Variants in STRBP observed in about 807,000 individuals in gnomAD.
STRBP encodes spermatid perinuclear RNA-binding protein.
Under a neutral mutation model 80.1 loss-of-function variants are expected in STRBP, and 13 were observed. The observed-to-expected ratio is 0.16, with a 90% confidence interval of 0.11 to 0.26. The LOEUF is 0.26. Among genes scored for constraint, STRBP ranks in the 10% least tolerant of loss-of-function variants. The pLI is 1.00. For synonymous variants in STRBP, 284 were observed against 291.2 expected (o/e 0.98, Z 0.25); for missense variants, 485 against 815.2 (o/e 0.59, Z 4.93).
At chr9:123,130,915 C>T (rs1432847873) in intron 17 of STRBP, among the ~76,000 whole-genome samples, 4 of 152,102 alleles carry the variant, frequency 2.6e-5, no homozygotes, top group Non-Finnish European at 5.9e-5. Context: ...TCCCTGCCTC[C>T]AGTAGCAATA....
intron 2 of STRBP, among the ~76,000 whole-genome samples, chr9:123,185,788 C>A (rs2038672582): frequency 6.6e-6 from 1 of 152,050 alleles, no homozygotes; most frequent in South Asian, 2.1e-4. Context: ...CACAAGCTTT[C>A]TTTATATTAG....
At chr9:123,251,282 C>T (rs1414135841) in intron 1 of STRBP, among the ~76,000 whole-genome samples, 25 of 152,178 alleles carry the variant, frequency 1.6e-4, no homozygotes, top group Admixed American at 1.4e-3. Flanking sequence ...AGAGAACGGA[C>T]GGCACTTACT....
intron 1 of STRBP, among the ~76,000 whole-genome samples, chr9:123,250,722 C>T (rs982555994): frequency 5.3e-5 from 8 of 152,170 alleles, no homozygotes; most frequent in Admixed American, 4.6e-4. Flanking sequence ...AATCCTCCTC[C>T]AATGAACAAC....
At chr9:123,235,508 G>GAAA (rs200275946) in intron 2 of STRBP, among the ~76,000 whole-genome samples, 1 of 76,990 alleles carries the variant, frequency 1.3e-5, no homozygotes, top group Non-Finnish European at 2.9e-5. Flanking sequence ...GCAACTTCAG[G>GAAA]AAAAAAAAAA....
In STRBP at chr9:123,268,412, GCCCGCCCCGCCGCCGGAGCCTA is replaced by G. The variant is rs1020315558; in HGVS notation, c.-302+2_-302+23del. 3 of 150,998 alleles carry G rather than the reference GCCCGCCCCGCCGCCGGAGCCTA, an allele frequency of 2.0e-5. No individual in the cohort carries two copies. Among genetic ancestry groups the G allele is most frequent in the East Asian group, 3.9e-4 (2 of 5,166 alleles). 9.4% of individuals were successfully genotyped at this position (150,998 alleles called of 1,614,324 possible). A position where few individuals can be genotyped will look rare whatever the true frequency, so the allele number is the denominator to read the frequency against. On this transcript the variant is annotated splice_donor_variant and splice_donor_5th_base_variant and intron_variant, in intron 1 of 18. Transcript: ENST00000348403. LOFTEE classifies it low-confidence loss of function (5UTR_SPLICE). ...GCCCGGGACGGCCCGCCGCGCAGGC[GCCCGCCCCGCCGCCGGAGCCTA>G]CCCGCGCCGCCGCGCTCTGCCCGCG...
chr9:123,265,391 G>A (rs896963421), intron 1 of STRBP, among the ~76,000 whole-genome samples: 11 of 152,034 alleles, frequency 7.2e-5, no homozygotes, highest in African/African-American at 1.7e-4. Flanking sequence ...CTACCAAAGC[G>A]AACCTTTTAT....
At chr9:123,230,614 T>C (rs2040370059) in intron 2 of STRBP, among the ~76,000 whole-genome samples, 1 of 152,160 alleles carries the variant, frequency 6.6e-6, no homozygotes, top group Admixed American at 6.5e-5. Flanking sequence ...CCAGACTACA[T>C]CACCCAATTC....
intron 1 of STRBP, among the ~76,000 whole-genome samples, chr9:123,243,100 T>C (rs984348911): frequency 6.6e-6 from 1 of 151,948 alleles, no homozygotes; most frequent in Non-Finnish European, 1.5e-5. Flanking sequence ...TTGCGTGGTA[T>C]TGGTAGACGG....
At chr9:123,244,081 G>A (rs1423513001) in intron 1 of STRBP, among the ~76,000 whole-genome samples, 2 of 152,168 alleles carry the variant, frequency 1.3e-5, no homozygotes, top group Non-Finnish European at 2.9e-5. Context: ...TGAATACTGT[G>A]GTTCATCCAC....
chr9:123,148,299 GATACATAGC>G (rs1490042230), intron 11 of STRBP, among the ~76,000 whole-genome samples: 1 of 152,102 alleles, frequency 6.6e-6, no homozygotes, highest in Non-Finnish European at 1.5e-5. Flanking sequence ...GCCATGTGGG[GATACATAGC>G]AGGCACCATC....
intron 2 of STRBP, among the ~76,000 whole-genome samples, chr9:123,221,448 G>A (rs2040064582): frequency 6.6e-6 from 1 of 152,134 alleles, no homozygotes; most frequent in South Asian, 2.1e-4. Context: ...ACCCTTCAGA[G>A]TCATATTTTA....
chr9:123,161,898 C>T (rs1457418950), intron 6 of STRBP, among the ~76,000 whole-genome samples: 1 of 152,182 alleles, frequency 6.6e-6, no homozygotes, highest in Admixed American at 6.5e-5. Flanking sequence ...CTCTAAGCTA[C>T]TGAAAAGTAG....
At chr9:123,253,595 C>A (rs2040961139) in intron 1 of STRBP, among the ~76,000 whole-genome samples, 1 of 152,230 alleles carries the variant, frequency 6.6e-6, no homozygotes, top group Non-Finnish European at 1.5e-5. Flanking sequence ...AACAAGGCTT[C>A]ATTTTCTCAT....
intron 5 of STRBP, among the ~76,000 whole-genome samples, chr9:123,170,876 A>T (rs2037978259): frequency 6.6e-6 from 1 of 152,164 alleles, no homozygotes; most frequent in Admixed American, 6.5e-5. Context: ...ATTACCTGAC[A>T]TACAGTAGCC....
chr9:123,130,248 A>G (rs757822289), intron 17 of STRBP, among the ~76,000 whole-genome samples: 9 of 152,212 alleles, frequency 5.9e-5, no homozygotes, highest in Non-Finnish European at 1.0e-4. Flanking sequence ...ATGTAAATAT[A>G]CTGACAACAG....
intron 2 of STRBP, among the ~76,000 whole-genome samples, chr9:123,233,303 G>A (rs1278802933): frequency 6.6e-6 from 1 of 152,086 alleles, no homozygotes; most frequent in Non-Finnish European, 1.5e-5. Context: ...TCAAACCCCT[G>A]GCCTCAAACA....
intron 1 of STRBP, among the ~76,000 whole-genome samples, chr9:123,240,557 G>T (rs2040672464): frequency 6.6e-6 from 1 of 152,150 alleles, no homozygotes; most frequent in Non-Finnish European, 1.5e-5. Context: ...CAAAATTCAG[G>T]TTTCAGAGAA....
intron 1 of STRBP, among the ~76,000 whole-genome samples, chr9:123,240,950 C>T (rs1030359231): frequency 3.9e-5 from 6 of 152,102 alleles, no homozygotes; most frequent in East Asian, 1.9e-4. Context: ...GAGGCTGAGG[C>T]GAGTGGATCA....
chr9:123,166,775 AC>A (rs1293020345), intron 6 of STRBP, among the ~76,000 whole-genome samples: 6 of 151,682 alleles, frequency 4.0e-5, no homozygotes, highest in Admixed American at 6.6e-5. Flanking sequence ...AACAACAACA[AC>A]AACAACAACA....
Sources: gnomAD v4.1 joint callset for allele counts (sites outside exome capture counted in the v4.1 genomes callset) on GRCh38, gnomAD v4.1.1 for gene constraint, MANE v1.5 for transcripts, NCBI Gene and HGNC (gene_info 2026-07-23, HGNC 2026-07-21) for gene names.